The following ARAP2 variants were observed in gnomAD, a reference collection of about 807,000 sequenced individuals.
ARAP2 encodes ArfGAP with RhoGAP domain, ankyrin repeat and PH domain 2, also known as arf-GAP with Rho-GAP domain, ANK repeat and PH domain-containing protein 2.
ARAP2 carries 148 observed loss-of-function variants against 194.5 expected under a neutral mutation model. The observed-to-expected ratio is 0.76, with a 90% confidence interval of 0.67 to 0.87. The LOEUF (loss-of-function observed/expected upper bound fraction) is 0.87. ARAP2 is among the 40% of genes least tolerant of loss of function. The pLI is 0.00. For missense variants in ARAP2, 2,128 were observed against 1,989.7 expected, an observed-to-expected ratio of 1.07 and a Z score of -1.32; for synonymous variants, 695 against 683.5, an observed-to-expected ratio of 1.02 and a Z score of -0.26.
chr4:36,147,926 T>C (rs1255335286), intron 17 of ARAP2, among the ~76,000 whole-genome samples, 180 bp from the exon 18 acceptor site: 1 of 152,188 alleles, frequency 6.6e-6, no homozygotes, highest in Admixed American at 6.6e-5. Context: ...ACAACTATAA[T>C]GCATTTTCAA....
At position 36,067,957 on chromosome 4, in the gene ARAP2, G is replaced by A. The variant is rs377015356; in HGVS notation, c.5065C>T (p.Arg1689Trp). The change falls in exon 33 of 33, where the codon CGG (arginine) becomes TGG (tryptophan). Residue 1689 changes from arginine to tryptophan, a missense_variant. By Grantham distance (101) the Arg-to-Trp change is moderately radical (BLOSUM62 -3). Transcript: ENST00000303965. The stretch of plus-strand genomic sequence containing the variant: ...AATTCTTTTGGAAGGGTTCTTGACC[G>A]TTGTAGAACCACATTAAGTTCTTCA... ...VIEELNVVLQRSRTLPKELQD... is the reference protein window; with the variant it reads ...VIEELNVVLQWSRTLPKELQD... 58 of 1,613,260 alleles carry A rather than the reference G, an allele frequency of 3.6e-5. No homozygotes were observed. In the East Asian group the frequency reaches 3.8e-4, roughly 11 times the overall value.
intron 1 of ARAP2, among the ~76,000 whole-genome samples, chr4:36,237,552 A>G (rs1306816265): frequency 6.6e-6 from 1 of 152,010 alleles, no homozygotes; most frequent in Non-Finnish European, 1.5e-5. Flanking sequence ...TGTTCAAGAG[A>G]GCCTGGCACC....
In ARAP2 at chr4:36,033,261, A is replaced by G. The variant is rs61795345; in HGVS notation, n.607+12718T>C. 9.3e-3 allele frequency among the ~76,000 whole-genome samples: 1,415 copies of G among 152,290 alleles called. 12 individuals are homozygous for G. Among genetic ancestry groups the G allele is most frequent in the Non-Finnish European group, 0.014 (947 of 68,016 alleles). ...TGAGGAATTGCCATTCTAACTATCA[A>G]TAATGGTTAAACCACTTTACACACC... On this transcript the variant is annotated intron_variant and non_coding_transcript_variant, in intron 5 of 12. Coordinates refer to the ARAP2 transcript ENST00000503225.
chr4:36,041,823 C>T (rs1430430691), intron 5 of ARAP2, among the ~76,000 whole-genome samples: 2 of 152,096 alleles, frequency 1.3e-5, no homozygotes, highest in Non-Finnish European at 2.9e-5. Flanking sequence ...TACATATACA[C>T]CATGTAATAC....
At chr4:36,191,010 C>A (rs1741770134) in intron 7 of ARAP2, among the ~76,000 whole-genome samples, 1 of 152,174 alleles carries the variant, frequency 6.6e-6, no homozygotes, top group Non-Finnish European at 1.5e-5. Context: ...TGTCAGGCAA[C>A]CTAAGGATGT....
intron 6 of ARAP2, among the ~76,000 whole-genome samples, chr4:36,017,757 G>A (rs1183961518): frequency 1.3e-5 from 2 of 151,934 alleles, no homozygotes; most frequent in East Asian, 1.9e-4. Flanking sequence ...AAAACCTTGC[G>A]AGACACTTTG....
At chr4:36,018,512 A>G (rs1048538463) in intron 6 of ARAP2, among the ~76,000 whole-genome samples, 10 of 151,998 alleles carry the variant, frequency 6.6e-5, no homozygotes, top group African/African-American at 2.4e-4. Context: ...CCTAAAAATC[A>G]TGAAGTTAAT....
chr4:36,212,351 C>T (rs1423392256), intron 5 of ARAP2, 45 bp downstream of exon 5: 1 of 1,443,140 alleles, frequency 6.9e-7, no homozygotes, highest in East Asian at 2.3e-5. Context: ...CATTGTATAA[C>T]AGTTTATTCT....
intron 2 of ARAP2, among the ~76,000 whole-genome samples, chr4:36,055,040 C>T (rs761419033): frequency 1.8e-4 from 27 of 152,214 alleles, no homozygotes; most frequent in Middle Eastern, 3.4e-3. Flanking sequence ...TTTTAAAATA[C>T]GTAATAACCC....
chr4:36,220,518 C>A (rs905042404), intron 2 of ARAP2, among the ~76,000 whole-genome samples: 1 of 151,850 alleles, frequency 6.6e-6, no homozygotes, highest in Non-Finnish European at 1.5e-5. Context: ...CATATATTGA[C>A]TATACTTTTT....
At chr4:36,164,010 G>A (rs962277258) in intron 11 of ARAP2, among the ~76,000 whole-genome samples, 5 of 152,164 alleles carry the variant, frequency 3.3e-5, no homozygotes, top group Admixed American at 6.5e-5. Flanking sequence ...TACTCACTGC[G>A]CTCTAGCTGA....
At chr4:36,168,618 A>G (rs1735849656) in intron 9 of ARAP2, among the ~76,000 whole-genome samples, 1 of 152,208 alleles carries the variant, frequency 6.6e-6, no homozygotes, top group Admixed American at 6.5e-5. Flanking sequence ...AGCCTCTTAC[A>G]TTTTTAATAT....
downstream of ARAP2, among the ~76,000 whole-genome samples, chr4:36,061,094 ATAG>A (rs903269440): frequency 3.3e-5 from 5 of 152,170 alleles, no homozygotes; most frequent in Non-Finnish European, 7.4e-5. Flanking sequence ...TTATGGGTAC[ATAG>A]TAGGTGTATA....
chr4:36,198,574 C>A (rs1037423836), intron 6 of ARAP2, among the ~76,000 whole-genome samples: 3 of 152,250 alleles, frequency 2.0e-5, no homozygotes, highest in African/African-American at 7.2e-5. Flanking sequence ...GCTTTCCTCC[C>A]TCCCATGCTC....
chr4:36,219,024 C>T lies in ARAP2; in HGVS notation c.906-4544G>A, dbSNP rs189973058. Among the ~76,000 whole-genome samples the T allele has an allele frequency of 2.4e-4, 36 of 152,178 alleles. 1 individual carries two copies. Among genetic ancestry groups the T allele is most frequent in the Admixed American group, 2.2e-3 (34 of 15,276 alleles). ...GTTATCATGAAATGCAAATGTAAAC[C>T]ACAACAAAATAACACTACACATGTA... On this transcript the variant is annotated intron_variant, in intron 2 of 32. Coordinates refer to ENST00000303965, the MANE Select transcript of ARAP2 (RefSeq NM_015230.4).
intron 7 of ARAP2, among the ~76,000 whole-genome samples, chr4:36,188,109 G>T (rs1740979089): frequency 6.6e-6 from 1 of 151,896 alleles, no homozygotes; most frequent in Non-Finnish European, 1.5e-5. Context: ...AATGAATAAA[G>T]AATAAAAAAA....
chr4:36,089,157 A>G (rs1183384706), intron 28 of ARAP2, among the ~76,000 whole-genome samples: 1 of 151,970 alleles, frequency 6.6e-6, no homozygotes, highest in Non-Finnish European at 1.5e-5. Context: ...ACCTAAGCAA[A>G]CACTTTCTGA....
chr4:36,047,893 C>G lies in ARAP2; in HGVS notation n.370-1044G>C, dbSNP rs546234468. 2.6e-5 allele frequency among the ~76,000 whole-genome samples: 4 copies of G among 152,288 alleles called. No homozygotes were observed. The East Asian group carries it at 7.7e-4, about 29-fold the overall frequency. On this transcript the variant is annotated intron_variant and non_coding_transcript_variant, in intron 3 of 12. Coordinates refer to the ARAP2 transcript ENST00000503225. ...TTGAAAGATACAGAAACAAAAAGTT[C>G]AAAGAGCCTGAGTCTAATCCTGATA...
intron 9 of ARAP2, among the ~76,000 whole-genome samples, chr4:36,173,513 C>T (rs910182389): frequency 2.0e-5 from 3 of 151,286 alleles, no homozygotes; most frequent in Non-Finnish European, 4.4e-5. Context: ...AAAAAGGAAC[C>T]GACAAATGAA....
Sources: gnomAD v4.1 joint callset for allele counts (sites outside exome capture counted in the v4.1 genomes callset) on GRCh38, gnomAD v4.1.1 for gene constraint, MANE v1.5 for transcripts, NCBI Gene and HGNC (gene_info 2026-07-23, HGNC 2026-07-21) for gene names.